The following RARB variants were observed in gnomAD, a reference collection of about 807,000 sequenced individuals.
RARB encodes retinoic acid receptor beta.
A neutral mutation model predicts 51.9 loss-of-function variants in RARB; 17 were observed. The observed-to-expected ratio is 0.33, with a 90% confidence interval of 0.22 to 0.49. The LOEUF (loss-of-function observed/expected upper bound fraction) is 0.49. Ranked by LOEUF, RARB falls within the 20% of genes least tolerant of loss-of-function variation. The pLI, the probability that RARB is intolerant of heterozygous loss-of-function variation, is 0.99. For missense variants in RARB, 369 were observed against 550.8 expected (o/e 0.67, Z 3.30); for synonymous variants, 215 against 195.4 (o/e 1.10, Z -0.84).
At chr3:25,282,998 C>T (rs1231086939) in intron 5 of RARB, among the ~76,000 whole-genome samples, 1 of 152,174 alleles carries the variant, frequency 6.6e-6, no homozygotes, top group Non-Finnish European at 1.5e-5. Flanking sequence ...ATTGTAAGAA[C>T]ACGGAGGAGC....
chr3:25,127,192 C>T (rs779761592), intron 3 of RARB, among the ~76,000 whole-genome samples: 2 of 152,092 alleles, frequency 1.3e-5, no homozygotes, highest in Admixed American at 6.6e-5. Flanking sequence ...AATAGCTTCT[C>T]GTTTTCATAG....
chr3:25,047,187 T>A lies in RARB; in HGVS notation c.-379-12938T>A, dbSNP rs369536978. Among the ~76,000 whole-genome samples, 208 of 152,312 alleles carry A rather than the reference T, an allele frequency of 1.4e-3. 3 individuals are homozygous for A. The highest frequency in any genetic ancestry group is 4.1e-3 in the South Asian group (20 of 4,830). On this transcript the variant is annotated intron_variant, in intron 2 of 11. Coordinates refer to the RARB transcript ENST00000383772. ...AGAGCCCAGGAGTTATTGCTATCCA[T>A]TGGGTAATTAGGTAATTCCAAGGAA...
intron 5 of RARB, among the ~76,000 whole-genome samples, chr3:25,175,611 AAAAATAGTAGGGGATGG>A (rs1290635545): frequency 1.3e-5 from 2 of 152,214 alleles, no homozygotes; most frequent in African/African-American, 4.8e-5. Context: ...CATTGCCTTC[AAAAATAGTAGGGGATGG>A]GTGTTTGGAT....
chr3:24,956,492 G>A (rs1037491080), intron 2 of RARB, among the ~76,000 whole-genome samples: 1 of 152,152 alleles, frequency 6.6e-6, no homozygotes, highest in Non-Finnish European at 1.5e-5. Flanking sequence ...TACTTTGAAG[G>A]TGAGTGAAGT....
chr3:25,322,260 A>G (rs564774346), intron 5 of RARB, among the ~76,000 whole-genome samples: 64 of 152,316 alleles, frequency 4.2e-4, no homozygotes, highest in African/African-American at 1.3e-3. Flanking sequence ...TTCCACCAAA[A>G]TAAACCTCAG....
At position 25,588,214 on chromosome 3, in the gene RARB, G is replaced by A. The variant is rs1214006464; in HGVS notation, c.787-5289G>A. 3.3e-5 allele frequency among the ~76,000 whole-genome samples: 5 copies of A among 152,288 alleles called. No individual in the cohort carries two copies. In the Middle Eastern group the frequency reaches 0.01, roughly 311 times the overall value. ...ACTATTGCTGTGTACACTCATATGG[G>A]TGAATCACACAGAGAATATTGAGTG... On this transcript the variant is annotated intron_variant, in intron 5 of 7. Coordinates refer to ENST00000330688, the MANE Select transcript of RARB (RefSeq NM_000965.5).
At chr3:25,500,462 T>G (rs1367763653) in intron 2 of RARB, among the ~76,000 whole-genome samples, 1 of 94,730 alleles carries the variant, frequency 1.1e-5, no homozygotes, top group Admixed American at 9.7e-5. Context: ...TTGTTTTTTT[T>G]TTTTTTTTTT....
rs148857152 is a variant in RARB at position 25,140,900 on chromosome 3, T to C, written c.-280+8692T>C. 3.3e-5 allele frequency among the ~76,000 whole-genome samples: 5 copies of C among 152,314 alleles called. No homozygotes were observed. In the East Asian group the frequency reaches 9.7e-4, roughly 29 times the overall value. ...GACTCACTGAAGGCTCAGGTGATCA[T>C]TAGCAATTTTTAACAATAAACTATT... On this transcript the variant is annotated intron_variant, in intron 4 of 11. Coordinates refer to the RARB transcript ENST00000383772.
chr3:24,833,544 C>T (rs1452262185), intron 1 of RARB, among the ~76,000 whole-genome samples: 1 of 152,228 alleles, frequency 6.6e-6, no homozygotes, highest in East Asian at 1.9e-4. Flanking sequence ...CAATTGCCCA[C>T]TTAACGTCTC....
At chr3:25,483,362 A>G (rs1217044024) in intron 2 of RARB, among the ~76,000 whole-genome samples, 1 of 152,202 alleles carries the variant, frequency 6.6e-6, no homozygotes, top group African/African-American at 2.4e-5. Context: ...TGAACCTAGA[A>G]AAAGAATCAC....
intron 2 of RARB, among the ~76,000 whole-genome samples, chr3:24,903,078 G>C (rs1161362352): frequency 6.6e-6 from 1 of 151,966 alleles, no homozygotes; most frequent in Non-Finnish European, 1.5e-5. Context: ...AAATTTTATA[G>C]AATTTATGAA....
At chr3:25,068,098 C>G (rs1327320964) in intron 3 of RARB, among the ~76,000 whole-genome samples, 3 of 125,874 alleles carry the variant, frequency 2.4e-5, no homozygotes, top group African/African-American at 9.2e-5. Flanking sequence ...TGCACCATCG[C>G]ACTTCAGCCT....
In RARB at chr3:25,321,988, T is replaced by G; in HGVS notation, c.179-139205T>G. On this transcript the variant is annotated intron_variant, in intron 5 of 11. Coordinates refer to the RARB transcript ENST00000383772. ...ATCTGAAAAAATTAAAAGATAATAG[T>G]TGAAGGAAAAATGTTTGTAGAAAAA... Among the ~76,000 whole-genome samples the G allele has an allele frequency of 1.3e-5, 2 of 151,662 alleles. 1 individual carries two copies. The highest frequency in any genetic ancestry group is 1.3e-4 in the Admixed American group (2 of 15,208).
At chr3:24,871,486 C>T (rs564737643) in intron 2 of RARB, among the ~76,000 whole-genome samples, 19 of 152,228 alleles carry the variant, frequency 1.2e-4, no homozygotes, top group African/African-American at 2.4e-4. Context: ...CTCCTTTTCA[C>T]GCACCCCTCT....
intron 2 of RARB, among the ~76,000 whole-genome samples, chr3:25,057,856 T>C (rs555980909): frequency 6.6e-6 from 1 of 152,112 alleles, no homozygotes; most frequent in East Asian, 1.9e-4. Flanking sequence ...CAATAAAGTC[T>C]TCTAAAAGAG....
intron 2 of RARB, among the ~76,000 whole-genome samples, chr3:25,490,828 A>G (rs1465526843): frequency 6.6e-6 from 1 of 152,226 alleles, no homozygotes; most frequent in Non-Finnish European, 1.5e-5. Flanking sequence ...GGCACAAAAT[A>G]ACTGACCTAA....
chr3:25,469,278 A>G lies in RARB; in HGVS notation c.306+7937A>G, dbSNP rs568569517. On this transcript the variant is annotated intron_variant, in intron 2 of 7. Coordinates refer to ENST00000330688, the MANE Select transcript of RARB (RefSeq NM_000965.5). ...TTAGAACTTCTATTAAATACTTTAA[A>G]TGAGCTTAATGATTTTATTTGACCA... 7.9e-5 allele frequency among the ~76,000 whole-genome samples: 12 copies of G among 152,332 alleles called. No homozygotes were observed. The South Asian group carries it at 2.5e-3, about 32-fold the overall frequency.
intron 5 of RARB, among the ~76,000 whole-genome samples, chr3:25,411,302 G>T (rs1352901540): frequency 6.6e-6 from 1 of 152,182 alleles, no homozygotes; most frequent in African/African-American, 2.4e-5. Flanking sequence ...GACTTACAGA[G>T]ACCAGGTTTT....
At chr3:25,341,027 C>T (rs1294756048) in intron 5 of RARB, among the ~76,000 whole-genome samples, 1 of 152,098 alleles carries the variant, frequency 6.6e-6, no homozygotes, top group Non-Finnish European at 1.5e-5. Context: ...GTTGTCTTTG[C>T]CTCTCAATCT....
Sources: gnomAD v4.1 joint callset for allele counts (sites outside exome capture counted in the v4.1 genomes callset) on GRCh38, gnomAD v4.1.1 for gene constraint, MANE v1.5 for transcripts, NCBI Gene and HGNC (gene_info 2026-07-23, HGNC 2026-07-21) for gene names.